TEX2: variants seen among roughly 807,000 people sequenced by gnomAD.
TEX2 encodes testis expressed 2.
Under a neutral mutation model 106.9 loss-of-function variants are expected in TEX2, and 53 were observed. The observed-to-expected ratio is 0.50, with a 90% CI of 0.40 to 0.62. The LOEUF (loss-of-function observed/expected upper bound fraction) is 0.62. Among genes scored for constraint, TEX2 ranks in the 20% least tolerant of loss-of-function variants. The probability of loss-of-function intolerance (pLI) is 0.00; values close to 1 mark genes in which losing one functional copy is unlikely to be tolerated. For synonymous variants in TEX2, 523 were observed against 534.8 expected, an observed-to-expected ratio of 0.98 and a Z score of 0.30; for missense variants, 1,207 against 1,379.0, an observed-to-expected ratio of 0.88 and a Z score of 1.98.
At position 64,177,544 on chromosome 17, in the gene TEX2, G is replaced by C. The variant is rs113410608; in HGVS notation, c.2425-73C>G. ...TAAGACAGGTGCTTATTTTTATAAA[G>C]TCACTGAAGGTCCCTCCTTATAGAA... is the stretch of plus-strand genomic sequence containing the variant. On this transcript the variant is annotated intron_variant, in intron 5 of 11. Coordinates refer to ENST00000584379, the MANE Select transcript of TEX2 (RefSeq NM_001288732.2). 2.0e-6 allele frequency: 3 copies of C among 1,505,628 alleles called. 1 individual carries two copies. The African/African-American group carries it at 4.2e-5, about 21-fold the overall frequency. The allele number at this position is 1,505,628 out of a possible 1,614,324, so 93.3% of individuals were successfully genotyped here.
At chr17:64,228,771 T>C (rs1452487122) in intron 1 of TEX2, among the ~76,000 whole-genome samples, 2 of 152,318 alleles carry the variant, frequency 1.3e-5, no homozygotes, top group East Asian at 1.9e-4. Flanking sequence ...AGACCTTTCA[T>C]AGGCATTTTG....
chr17:64,193,498 T>G, intron 4 of TEX2, 61 bp downstream of exon 4: 12 of 1,255,038 alleles, frequency 9.6e-6, no homozygotes, highest in South Asian at 4.5e-5. Context: ...CTGGCATTCT[T>G]TCTCTATTCT....
intron 1 of TEX2, among the ~76,000 whole-genome samples, chr17:64,215,295 G>A (rs549409582): frequency 8.5e-5 from 13 of 152,334 alleles, no homozygotes; most frequent in Middle Eastern, 3.4e-3. Context: ...CACAGGGCAC[G>A]CTTCAGAAGT....
chr17:64,193,463 G>GGTTGCTTCCTTC, intron 4 of TEX2, 96 bp downstream of exon 4: 1 of 993,984 alleles, frequency 1.0e-6, no homozygotes, highest in Non-Finnish European at 1.4e-6. Context: ...TTCAGGGTGG[G>GGTTGCTTCCTTC]CTTCCTTCCT....
intron 1 of TEX2, among the ~76,000 whole-genome samples, chr17:64,214,645 T>C (rs1273586475): frequency 6.6e-6 from 1 of 152,210 alleles, no homozygotes; most frequent in Non-Finnish European, 1.5e-5. Context: ...TTTGAGGATC[T>C]TGGAACAAAA....
intron 7 of TEX2, among the ~76,000 whole-genome samples, chr17:64,169,142 T>A (rs971626025): frequency 1.3e-5 from 2 of 152,080 alleles, no homozygotes; most frequent in Admixed American, 1.3e-4. Flanking sequence ...GGGTTCAAGC[T>A]ATTCTTGTGC....
intron 11 of TEX2, chr17:64,149,300 T>C (rs1010572925): frequency 1.3e-5 from 7 of 540,196 alleles, no homozygotes; most frequent in Non-Finnish European, 2.2e-5. Context: ...TCCTCTAATA[T>C]ATCAGCTCGG....
At position 64,154,852 on chromosome 17, in the gene TEX2, C is replaced by T; in HGVS notation, c.2920G>A (p.Gly974Arg). 3 of 1,605,126 alleles carry T rather than the reference C, an allele frequency of 1.9e-6. No individual in the cohort carries two copies. The highest frequency in any genetic ancestry group is 2.6e-6 in the Non-Finnish European group (3 of 1,175,982). Residue 974 changes from glycine (G) to arginine (R), a missense_variant, in exon 9 of 12, where the codon GGG becomes AGG. Physicochemically the swap from Gly to Arg is moderately radical, Grantham distance 125. Transcript: ENST00000584379. The stretch of plus-strand genomic sequence containing the variant: ...CACTGATCCACTCACCCTTCAGCCC[C>T]TGGGAGGAGCTGTTTGTCTCCCCCG... ...PSGGDKQLLP[G>R]AEGYVGGHRT...
intron 8 of TEX2, 88 bp from the exon 9 acceptor site, chr17:64,155,055 A>G (rs1465003413): frequency 2.1e-6 from 3 of 1,396,794 alleles, no homozygotes; most frequent in Non-Finnish European, 2.8e-6. Flanking sequence ...ACACACACTC[A>G]ACCACAACAG....
At chr17:64,244,058 C>T (rs577098793) in intron 1 of TEX2, among the ~76,000 whole-genome samples, 18 of 152,100 alleles carry the variant, frequency 1.2e-4, no homozygotes, top group African/African-American at 3.9e-4. Flanking sequence ...CCGCCCGCCT[C>T]GGTTTCCCAA....
At chr17:64,234,671 A>T (rs2033729327) in intron 1 of TEX2, among the ~76,000 whole-genome samples, 2 of 152,210 alleles carry the variant, frequency 1.3e-5, no homozygotes, top group Non-Finnish European at 2.9e-5. Flanking sequence ...GTTGGGAGAA[A>T]GAATAAATGG....
chr17:64,219,508 CAAATAAAATAAAATAAAATAAAATA>C (rs3071506), intron 1 of TEX2, among the ~76,000 whole-genome samples: 3 of 134,830 alleles, frequency 2.2e-5, no homozygotes, highest in Non-Finnish European at 4.7e-5. Context: ...TCCATCTCAT[CAAATAAAATAAAATAAAATAAAATA>C]AAATAAAATA....
intron 6 of TEX2, among the ~76,000 whole-genome samples, chr17:64,173,063 A>G (rs1368437563): frequency 1.3e-5 from 2 of 152,170 alleles, no homozygotes; most frequent in Non-Finnish European, 2.9e-5. Flanking sequence ...TTGGTCAGCA[A>G]TCTCGACCTA....
At chr17:64,182,902 TTGTTG>T (rs1179320165) in intron 5 of TEX2, among the ~76,000 whole-genome samples, 2 of 149,536 alleles carry the variant, frequency 1.3e-5, no homozygotes, top group Admixed American at 1.3e-4. Context: ...TTTGCCACTT[TTGTTG>T]TGTTTTTTTT....
chr17:64,211,707 G>C lies in TEX2; in HGVS notation c.1644+867C>G, dbSNP rs371901550. Among the ~76,000 whole-genome samples the C allele has an allele frequency of 2.6e-5, 4 of 152,210 alleles. No individual in the cohort carries two copies. The South Asian group carries it at 8.3e-4, about 32-fold the overall frequency. On this transcript the variant is annotated intron_variant, in intron 2 of 11. Transcript: ENST00000584379. ...CATTCATCGATTTTGGTATCCTTGG[G>C]GGGGGTCCTGAAACCAATGCCCCCT...
At chr17:64,229,161 G>A (rs2033594959) in intron 1 of TEX2, among the ~76,000 whole-genome samples, 2 of 152,174 alleles carry the variant, frequency 1.3e-5, no homozygotes, top group African/African-American at 4.8e-5. Flanking sequence ...TGGGTCAAAT[G>A]AGGTACATAT....
intron 8 of TEX2, chr17:64,156,049 G>A (rs2030610925): frequency 6.6e-6 from 1 of 152,308 alleles, no homozygotes; most frequent in Non-Finnish European, 1.5e-5. Context: ...GAAGGCAGTG[G>A]GGCTCAGGGC....
intron 1 of TEX2, among the ~76,000 whole-genome samples, chr17:64,232,744 G>A (rs2143326407): frequency 6.6e-6 from 1 of 152,332 alleles, no homozygotes. Context: ...ATACAGGGTT[G>A]CAATTCCAAA....
chr17:64,227,706 T>C (rs1036631107), intron 1 of TEX2, among the ~76,000 whole-genome samples: 1 of 152,206 alleles, frequency 6.6e-6, no homozygotes, highest in Non-Finnish European at 1.5e-5. Context: ...AGCAAGGCCT[T>C]TAGTTTGAGT....
Sources: gnomAD v4.1 joint callset for allele counts (sites outside exome capture counted in the v4.1 genomes callset) on GRCh38, gnomAD v4.1.1 for gene constraint, MANE v1.5 for transcripts, NCBI Gene and HGNC (gene_info 2026-07-23, HGNC 2026-07-21) for gene names.